The following UNKL variants were observed in gnomAD, a reference collection of about 807,000 sequenced individuals.
The protein encoded by UNKL is unk like zinc finger, also known as putative E3 ubiquitin-protein ligase UNKL.
In UNKL, 60 loss-of-function variants were observed where a neutral mutation model predicts 78.0. That is an observed-to-expected ratio of 0.77 (90% CI 0.63 to 0.95). The LOEUF (loss-of-function observed/expected upper bound fraction) is 0.95. Ranked by LOEUF, UNKL falls within the 40% of genes least tolerant of loss-of-function variation. UNKL has a pLI of 0.00. For missense variants in UNKL, 1,159 were observed against 1,045.7 expected (o/e 1.11, Z -1.49); for synonymous variants, 608 against 474.8 (o/e 1.28, Z -3.65).
intron 2 of UNKL, among the ~76,000 whole-genome samples, chr16:1,413,330 A>G (rs1339886004): frequency 6.8e-6 from 1 of 148,064 alleles, no homozygotes; most frequent in African/African-American, 2.5e-5. Context: ...GCACTTTGGG[A>G]GGCCGAGGTG....
At position 1,396,534 on chromosome 16, in the gene UNKL, C is replaced by A. The variant is rs957105690; in HGVS notation, c.852+644G>T. Among the ~76,000 whole-genome samples the A allele has an allele frequency of 2.0e-5, 3 of 151,934 alleles. No homozygotes were observed. The South Asian group carries it at 6.2e-4, about 32-fold the overall frequency. ...CAAGTGATTTGCCCGCCTCTGCCTC[C>A]CAAAGTGCTGAGATTACAGTGTGAG... On this transcript the variant is annotated intron_variant, in intron 6 of 14. Transcript: ENST00000389221.
chr16:1,383,332 A>G (rs1414514952), intron 10 of UNKL, among the ~76,000 whole-genome samples: 3 of 152,012 alleles, frequency 2.0e-5, no homozygotes, highest in Non-Finnish European at 4.4e-5. Context: ...CAAAAGAAAA[A>G]TGTAAAGGCC....
chr16:1,414,513 G>T (rs1596793513), intron 1 of UNKL, 102 bp downstream of exon 1: 1 of 260,480 alleles, frequency 3.8e-6, no homozygotes, highest in Non-Finnish European at 6.0e-6. Flanking sequence ...GCTGCGCGGA[G>T]GCCGGGGGGC....
At position 1,401,550 on chromosome 16, in the gene UNKL, C is replaced by A; in HGVS notation, c.598+18G>T. 6.5e-7 allele frequency: 1 copy of A among 1,538,952 alleles called. No homozygotes were observed. Among genetic ancestry groups the A allele is most frequent in the Non-Finnish European group, 8.8e-7 (1 of 1,136,976 alleles). ...CCGCCCCCCCCACCACCGCCCTCAG[C>A]TGCGGCCGTGGAGTTACCTTGCCAC... On this transcript the variant is annotated intron_variant, in intron 4 of 14. Coordinates refer to ENST00000389221, the MANE Select transcript of UNKL (RefSeq NM_001372107.1).
intron 10 of UNKL, among the ~76,000 whole-genome samples, chr16:1,380,168 A>G (rs2142061537): frequency 6.6e-6 from 1 of 152,366 alleles, no homozygotes; most frequent in South Asian, 2.1e-4. Flanking sequence ...GGAACCTATC[A>G]GATGGGTCTG....
intron 10 of UNKL, among the ~76,000 whole-genome samples, chr16:1,374,155 A>G (rs1196070463): frequency 2.0e-5 from 3 of 146,542 alleles, no homozygotes; most frequent in Admixed American, 1.3e-4. Flanking sequence ...CACACCACAC[A>G]GGGACTGCCG....
intron 9 of UNKL, 24 bp downstream of exon 9, chr16:1,390,608 G>C (rs1172710719): frequency 6.5e-7 from 1 of 1,535,664 alleles, no homozygotes; most frequent in Admixed American, 2.0e-5. Flanking sequence ...AGGCACGAGG[G>C]TGGGAAACCT....
chr16:1,414,096 C>A, intron 1 of UNKL, 41 bp from the exon 2 acceptor site: 2 of 1,509,844 alleles, frequency 1.3e-6, no homozygotes, highest in South Asian at 1.2e-5. Context: ...TCCGGCAGCA[C>A]CTCCAGGGAC....
intron 13 of UNKL, 42 bp from the exon 14 acceptor site, chr16:1,367,391 T>G (rs1380037512): frequency 2.0e-6 from 3 of 1,506,018 alleles, no homozygotes; most frequent in Non-Finnish European, 2.7e-6. Flanking sequence ...ACCTCACCTG[T>G]GCCACCTGCA....
chr16:1,371,375 G>C, intron 11 of UNKL, 144 bp downstream of exon 11: 1 of 749,686 alleles, frequency 1.3e-6, no homozygotes, highest in Non-Finnish European at 2.2e-6. Flanking sequence ...ACCGGGTCTT[G>C]CCCTGTGGTC....
At chr16:1,371,975 G>A (rs984852308) in intron 10 of UNKL, among the ~76,000 whole-genome samples, 2 of 152,178 alleles carry the variant, frequency 1.3e-5, no homozygotes, top group Admixed American at 6.5e-5. Flanking sequence ...AACTTTCCAG[G>A]GCCGGGTGCG....
Position 1,385,311 on chromosome 16 carries a change from C to T in UNKL, c.1161G>A (p.Ala387=), listed in dbSNP as rs909764895. The change falls in exon 10 of 15, where the codon GCG becomes GCA. Residue 387 remains alanine (A), a synonymous_variant. Coordinates refer to ENST00000389221, the MANE Select transcript of UNKL (RefSeq NM_001372107.1). ...AGGAGCTGCCGGAGCCGGCGCTGGA[C>T]GCCAGGCTGGACGCCACGCTGGAGC... ...SVSSSVASSL[A]SSAGSGSSSP... 14 of 1,404,754 alleles carry T rather than the reference C, an allele frequency of 1.0e-5. No individual in the cohort carries two copies. Among genetic ancestry groups the T allele is most frequent in the Admixed American group, 3.2e-5 (1 of 31,548 alleles). 87.0% of individuals were successfully genotyped at this position (1,404,754 alleles called of 1,614,324 possible).
In UNKL at chr16:1,397,144, C is replaced by A. The variant is rs757048869; in HGVS notation, c.852+34G>T. 2.6e-6 allele frequency: 4 copies of A among 1,539,180 alleles called. No homozygotes were observed. In the African/African-American group the frequency reaches 5.5e-5, roughly 21 times the overall value. ...CCACAGCTTCTCTGGGACCTTCCAG[C>A]GACCCCTACGCCTGGGGGGTTGGAG... is the stretch of plus-strand genomic sequence containing the variant. On this transcript the variant is annotated intron_variant, in intron 6 of 14. Coordinates refer to ENST00000389221, the MANE Select transcript of UNKL (RefSeq NM_001372107.1).
Position 1,414,655 on chromosome 16 carries a change from T to G in UNKL, c.37A>C (p.Ser13Arg). The change falls in exon 1 of 15, where the codon AGC becomes CGC. Residue 13 changes from serine (S) to arginine (R), a missense_variant. Physicochemically the swap from Ser to Arg is moderately radical, Grantham distance 110. Coordinates refer to ENST00000389221, the MANE Select transcript of UNKL (RefSeq NM_001372107.1). ...TTCTCAGTCTGCGGGGGGGACCCGCTCAGCGCCGCTGCCGCCGCTTTCGAA... is the reference window on the plus strand; with the variant it reads ...TTCTCAGTCTGCGGGGGGGACCCGCGCAGCGCCGCTGCCGCCGCTTTCGAA... ...SVSKAAAAAL[S>R]GSPPQTEKPT... 2 of 1,146,948 alleles carry G rather than the reference T, an allele frequency of 1.7e-6. No homozygotes were observed. Among genetic ancestry groups the G allele is most frequent in the Non-Finnish European group, 2.2e-6 (2 of 922,098 alleles). The allele number at this position is 1,146,948 out of a possible 1,614,324, so 71.0% of individuals were successfully genotyped here.
At chr16:1,407,157 G>A (rs9674112) in intron 2 of UNKL, 136,676 of 149,286 alleles carry the variant, frequency 0.92, 62,633 homozygotes, top group East Asian at 1. Flanking sequence ...TCAAAAAAAA[G>A]AAAGAAAGAA....
intron 9 of UNKL, among the ~76,000 whole-genome samples, chr16:1,385,826 G>GC (rs972693535): frequency 1.3e-5 from 2 of 152,204 alleles, no homozygotes; most frequent in Non-Finnish European, 2.9e-5. Context: ...ACCTTGGGGG[G>GC]CCCCCAGAGA....
intron 10 of UNKL, among the ~76,000 whole-genome samples, chr16:1,381,895 A>C (rs916019541): frequency 9.2e-5 from 14 of 152,190 alleles, no homozygotes; most frequent in African/African-American, 3.4e-4. Flanking sequence ...CAGCGAGCTG[A>C]CTGTACCACT....
chr16:1,401,518 G>A (rs761068), intron 4 of UNKL, 50 bp downstream of exon 4: 998,220 of 1,438,760 alleles, frequency 0.69, 351,945 homozygotes, highest in Non-Finnish European at 0.71. Flanking sequence ...CTGTTCTCGC[G>A]CTGTGCCCGC....
chr16:1,390,740 T>C (rs2037013440), intron 8 of UNKL, 46 bp from the exon 9 acceptor site: 2 of 1,532,550 alleles, frequency 1.3e-6, no homozygotes, highest in Non-Finnish European at 1.7e-6. Context: ...AGGGAGGAAA[T>C]GTAAATTAAA....
Sources: allele counts gnomAD v4.1 joint callset (sites outside exome capture counted in the v4.1 genomes callset), GRCh38; gene constraint gnomAD v4.1.1; transcripts MANE v1.5; gene names NCBI Gene and HGNC (gene_info 2026-07-23, HGNC 2026-07-21).